RBFOX3: variants seen among roughly 807,000 people sequenced by gnomAD.
RBFOX3 encodes the protein RNA binding protein fox-1 homolog 3.
A neutral mutation model predicts 48.7 loss-of-function variants in RBFOX3; 17 were observed. The observed-to-expected ratio is 0.35, with a 90% CI of 0.24 to 0.52. The LOEUF (loss-of-function observed/expected upper bound fraction) is 0.52, where lower values mean the gene tolerates loss of function less well. RBFOX3 is among the 20% of genes least tolerant of loss of function. RBFOX3 has a pLI of 0.94. For missense variants in RBFOX3, 382 were observed against 497.5 expected (o/e 0.77, Z 2.21); for synonymous variants, 212 against 209.5 (o/e 1.01, Z -0.10).
chr17:79,247,993 T>C (rs905211990), intron 3 of RBFOX3, among the ~76,000 whole-genome samples: 4 of 149,260 alleles, frequency 2.7e-5, no homozygotes, highest in Admixed American at 2.0e-4. Context: ...GCACAGTGCC[T>C]GGCCCACAAT....
chr17:79,446,220 G>A (rs1329500480), intron 2 of RBFOX3, among the ~76,000 whole-genome samples: 3 of 152,138 alleles, frequency 2.0e-5, no homozygotes, highest in South Asian at 2.1e-4. Flanking sequence ...GGGCCCTGGC[G>A]ATGCTGCCTC....
chr17:79,212,422 C>T lies in RBFOX3; in HGVS notation c.-34+23344G>A, dbSNP rs561524170. On this transcript the variant is annotated intron_variant, in intron 4 of 14. Coordinates refer to ENST00000693108, the MANE Select transcript of RBFOX3 (RefSeq NM_001350451.2). This position sits in a 1 kb window ranked among gnomAD's most constrained non-coding sequence, Gnocchi z 4.7. ...CTGCAGCCGGGCTCCTGGCGCTGCCCGTTCCCAATTTCTCCTTCCTGTAGG... is the reference window on the plus strand; with the variant it reads ...CTGCAGCCGGGCTCCTGGCGCTGCCTGTTCCCAATTTCTCCTTCCTGTAGG... 1.9e-4 allele frequency among the ~76,000 whole-genome samples: 29 copies of T among 152,264 alleles called. No individual in the cohort carries two copies. Among genetic ancestry groups the T allele is most frequent in the African/African-American group, 5.8e-4 (24 of 41,556 alleles).
chr17:79,250,133 T>C (rs2063723347), intron 3 of RBFOX3, among the ~76,000 whole-genome samples: 1 of 152,210 alleles, frequency 6.6e-6, no homozygotes, highest in Admixed American at 6.5e-5. Context: ...CAATTGCCTT[T>C]CGGGATTAAT....
intron 1 of RBFOX3, among the ~76,000 whole-genome samples, chr17:79,610,020 A>G (rs1372883557): frequency 6.6e-6 from 1 of 151,810 alleles, no homozygotes; most frequent in African/African-American, 2.4e-5. Context: ...GAGGCTTCAG[A>G]GAGGCAGCCT....
intron 2 of RBFOX3, among the ~76,000 whole-genome samples, chr17:79,450,087 T>TAC (rs1283151652): frequency 6.7e-6 from 1 of 149,726 alleles, no homozygotes; most frequent in Non-Finnish European, 1.5e-5. Context: ...ACACCTGACA[T>TAC]ACACACACAC....
At chr17:79,661,394 A>T in the RBFOX3 span, among the ~76,000 whole-genome samples, 3 of 152,168 alleles carry the variant, frequency 2.0e-5, no homozygotes, top group Non-Finnish European at 4.4e-5. Flanking sequence ...TTATTTGGTG[A>T]GGTTCATAGA....
intron 2 of RBFOX3, among the ~76,000 whole-genome samples, chr17:79,322,542 G>A (rs370022511): frequency 3.3e-5 from 5 of 152,266 alleles, no homozygotes; most frequent in South Asian, 2.1e-4. Context: ...GGAGAAGCTC[G>A]CTTTCACAGG....
At chr17:79,548,505 G>A (rs1175307155) in intron 1 of RBFOX3, among the ~76,000 whole-genome samples, 1 of 152,266 alleles carries the variant, frequency 6.6e-6, no homozygotes, top group African/African-American at 2.4e-5. Flanking sequence ...ATTTCTGCAG[G>A]AAGCGCAGCT....
intron 2 of RBFOX3, among the ~76,000 whole-genome samples, chr17:79,347,912 T>A (rs1464161210): frequency 6.6e-6 from 1 of 152,166 alleles, no homozygotes; most frequent in Non-Finnish European, 1.5e-5. Flanking sequence ...GCTCATTCCC[T>A]CCAGTGGAAG....
chr17:79,638,304 GT>G, the RBFOX3 span, among the ~76,000 whole-genome samples: 5,815 of 88,248 alleles, frequency 0.066, 337 homozygotes, highest in East Asian at 0.46. Context: ...AACTGAGTTG[GT>G]TTTTTTTTTT....
intron 4 of RBFOX3, among the ~76,000 whole-genome samples, chr17:79,230,797 G>T (rs1337185897): frequency 1.3e-5 from 2 of 152,154 alleles, no homozygotes; most frequent in Non-Finnish European, 2.9e-5. Context: ...GGGGACTGGG[G>T]ACAAGGGCCA....
At chr17:79,171,002 C>T (rs1371131346) in intron 4 of RBFOX3, among the ~76,000 whole-genome samples, 1 of 152,198 alleles carries the variant, frequency 6.6e-6, no homozygotes, top group Non-Finnish European at 1.5e-5. Flanking sequence ...AGCCCCGCTC[C>T]TGAGACACCT....
At chr17:79,472,833 C>T (rs1040732250) in intron 2 of RBFOX3, among the ~76,000 whole-genome samples, 98 of 152,256 alleles carry the variant, frequency 6.4e-4, no homozygotes, top group South Asian at 1.9e-3. Context: ...GCCTCTATAC[C>T]GGCACTTCTC....
At chr17:79,096,586 G>A (rs1398725725) in intron 12 of RBFOX3, 67 bp downstream of exon 12, 23 of 1,379,804 alleles carry the variant, frequency 1.7e-5, no homozygotes, top group South Asian at 2.6e-5. Flanking sequence ...GAGAGGAGAC[G>A]CCGACTTCTC....
chr17:79,661,342 G>T, the RBFOX3 span, among the ~76,000 whole-genome samples: 1 of 152,048 alleles, frequency 6.6e-6, no homozygotes, highest in South Asian at 2.1e-4. Flanking sequence ...GCCCATTTCT[G>T]AACTTCACAT....
chr17:79,626,949 G>A, the RBFOX3 span, among the ~76,000 whole-genome samples: 3 of 152,182 alleles, frequency 2.0e-5, no homozygotes, highest in Non-Finnish European at 4.4e-5. Flanking sequence ...ATGTCTTAAC[G>A]GAAACACCAT....
intron 1 of RBFOX3, among the ~76,000 whole-genome samples, chr17:79,511,645 C>G (rs1406697719): frequency 2.6e-5 from 4 of 152,116 alleles, no homozygotes; most frequent in Non-Finnish European, 5.9e-5. Context: ...CCATCTAGCA[C>G]AGCCCCATGG....
At chr17:79,236,365 T>C (rs977239514) in intron 3 of RBFOX3, among the ~76,000 whole-genome samples, 4 of 152,136 alleles carry the variant, frequency 2.6e-5, no homozygotes, top group African/African-American at 4.8e-5. Flanking sequence ...CTTGGCTCAC[T>C]GCAACCTCCG....
chr17:79,183,344 C>T (rs1431143415), intron 4 of RBFOX3: 2 of 152,448 alleles, frequency 1.3e-5, no homozygotes, highest in Non-Finnish European at 2.9e-5. Context: ...AGGAGGCAGC[C>T]CGAGTTCGCC....
Sources: gnomAD v4.1 joint callset for allele counts (sites outside exome capture counted in the v4.1 genomes callset) on GRCh38, gnomAD v4.1.1 for gene constraint, Gnocchi (gnomAD v3.1) non-coding constraint, MANE v1.5 for transcripts, NCBI Gene and HGNC (gene_info 2026-07-23, HGNC 2026-07-21) for gene names.